AKAP6: variants seen among roughly 807,000 people sequenced by gnomAD.
AKAP6 encodes the protein A-kinase anchoring protein 6.
Under a neutral mutation model 188.5 loss-of-function variants are expected in AKAP6, and 58 were observed. The ratio of observed to expected loss-of-function variants is 0.31; its 90% CI spans 0.25 to 0.38. The LOEUF is 0.38. Ranked by LOEUF, AKAP6 falls within the 10% of genes least tolerant of loss-of-function variation. The probability of loss-of-function intolerance (pLI) is 1.00; values close to 1 mark genes in which losing one functional copy is unlikely to be tolerated. For synonymous variants in AKAP6, 989 were observed against 998.6 expected, an observed-to-expected ratio of 0.99 and a Z score of 0.18; for missense variants, 2,710 against 2,740.0, an observed-to-expected ratio of 0.99 and a Z score of 0.24.
chr14:32,648,897 A>T (rs1594811016), intron 7 of AKAP6, among the ~76,000 whole-genome samples: 1 of 152,178 alleles, frequency 6.6e-6, no homozygotes, highest in African/African-American at 2.4e-5. Context: ...TTTTACCAAA[A>T]AAAAGACATT....
At chr14:32,785,511 C>A (rs894354164) in intron 12 of AKAP6, among the ~76,000 whole-genome samples, 8 of 152,014 alleles carry the variant, frequency 5.3e-5, no homozygotes, top group African/African-American at 1.9e-4. Context: ...AGAATGAGTT[C>A]TATGTAAAAC....
chr14:32,516,584 C>T (rs765388188), intron 2 of AKAP6, among the ~76,000 whole-genome samples: 1 of 152,070 alleles, frequency 6.6e-6, no homozygotes, highest in East Asian at 1.9e-4. Context: ...CTGAAACTAT[C>T]GTATATGTAA....
intron 2 of AKAP6, among the ~76,000 whole-genome samples, chr14:32,531,026 C>T (rs1000366552): frequency 6.6e-6 from 1 of 152,142 alleles, no homozygotes; most frequent in Non-Finnish European, 1.5e-5. Flanking sequence ...TGACTGGAGA[C>T]AGCAGCTTCA....
intron 3 of AKAP6, among the ~76,000 whole-genome samples, chr14:32,545,008 T>C (rs1402498503): frequency 6.6e-6 from 1 of 152,188 alleles, no homozygotes; most frequent in East Asian, 1.9e-4. Flanking sequence ...GTTAAGGCTG[T>C]ATACTCCAGA....
intron 3 of AKAP6, among the ~76,000 whole-genome samples, chr14:32,537,135 G>A (rs1882719446): frequency 6.6e-6 from 1 of 152,126 alleles, no homozygotes; most frequent in African/African-American, 2.4e-5. Flanking sequence ...ATTTATTGTT[G>A]TTGATTTTTG....
chr14:32,345,322 A>C (rs1887033098), intron 1 of AKAP6, among the ~76,000 whole-genome samples: 1 of 152,222 alleles, frequency 6.6e-6, no homozygotes, highest in Non-Finnish European at 1.5e-5. Context: ...AAGCAGACAC[A>C]GGGGTAACTC....
intron 12 of AKAP6, among the ~76,000 whole-genome samples, chr14:32,784,540 T>G (rs1020783079): frequency 2.0e-5 from 3 of 152,184 alleles, no homozygotes; most frequent in Admixed American, 6.5e-5. Flanking sequence ...TTTGTCTAAC[T>G]TACTGTTGGA....
chr14:32,628,307 A>G (rs1171427420), intron 7 of AKAP6, among the ~76,000 whole-genome samples: 1 of 152,140 alleles, frequency 6.6e-6, no homozygotes, highest in Non-Finnish European at 1.5e-5. Flanking sequence ...AAATGATATT[A>G]ACTTCAATTC....
chr14:32,378,001 C>T (rs550790919), intron 1 of AKAP6, among the ~76,000 whole-genome samples: 3 of 152,032 alleles, frequency 2.0e-5, no homozygotes, highest in East Asian at 3.9e-4. Context: ...AAATTCTAAA[C>T]TTATTAAATT....
At chr14:32,399,161 A>T (rs1237665322) in intron 1 of AKAP6, among the ~76,000 whole-genome samples, 1 of 151,920 alleles carries the variant, frequency 6.6e-6, no homozygotes, top group Non-Finnish European at 1.5e-5. Flanking sequence ...GCCTGCCCTT[A>T]TATTTCTACA....
intron 11 of AKAP6, among the ~76,000 whole-genome samples, chr14:32,743,633 A>G (rs552656117): frequency 6.6e-6 from 1 of 152,312 alleles, no homozygotes; most frequent in Admixed American, 6.5e-5. Context: ...GCATAAACCA[A>G]CAAACAAGCA....
intron 1 of AKAP6, among the ~76,000 whole-genome samples, chr14:32,348,408 C>CTTTTTTTTTTTTTTTTTTTT (rs1235466012): frequency 1.1e-5 from 1 of 88,736 alleles, no homozygotes; most frequent in Non-Finnish European, 1.9e-5. Flanking sequence ...TCTTTCTTTT[C>CTTTTTTTTTTTTTTTTTTTT]TTTTGTTTCT....
intron 2 of AKAP6, among the ~76,000 whole-genome samples, chr14:32,519,664 C>A (rs959473540): frequency 6.6e-6 from 1 of 152,142 alleles, no homozygotes; most frequent in African/African-American, 2.4e-5. Context: ...AATATATATG[C>A]ACCCAATACA....
At chr14:32,356,561 C>A (rs1052119503) in intron 1 of AKAP6, among the ~76,000 whole-genome samples, 1 of 152,158 alleles carries the variant, frequency 6.6e-6, no homozygotes, top group Non-Finnish European at 1.5e-5. Context: ...GTTCTAAAAT[C>A]TGAGTGTATC....
chr14:32,735,251 C>A (rs1189359570), intron 10 of AKAP6, among the ~76,000 whole-genome samples: 2 of 152,130 alleles, frequency 1.3e-5, no homozygotes, highest in Non-Finnish European at 2.9e-5. Flanking sequence ...ATCTCCTGGA[C>A]ATTTTATGTG....
intron 7 of AKAP6, among the ~76,000 whole-genome samples, chr14:32,611,766 A>G (rs1594781774): frequency 6.6e-6 from 1 of 152,270 alleles, no homozygotes. Context: ...GCGAGAGTGA[A>G]CTTAGCATGT....
intron 7 of AKAP6, among the ~76,000 whole-genome samples, chr14:32,674,575 G>A (rs551860991): frequency 6.6e-6 from 1 of 152,270 alleles, no homozygotes; most frequent in South Asian, 2.1e-4. Context: ...TCTGACATGA[G>A]CAATAGACAG....
At chr14:32,687,533 C>T (rs1052210499) in intron 8 of AKAP6, among the ~76,000 whole-genome samples, 2 of 150,968 alleles carry the variant, frequency 1.3e-5, no homozygotes, top group African/African-American at 4.9e-5. Context: ...ATTTTTAGAA[C>T]ACTGCTACAT....
At chr14:32,471,019 C>A (rs1594649083) in intron 2 of AKAP6, among the ~76,000 whole-genome samples, 1 of 152,196 alleles carries the variant, frequency 6.6e-6, no homozygotes, top group Admixed American at 6.5e-5. Context: ...TAGGCCAAAT[C>A]TTTCAGTGAA....
Sources: gnomAD v4.1 joint callset for allele counts (sites outside exome capture counted in the v4.1 genomes callset) on GRCh38, gnomAD v4.1.1 for gene constraint, MANE v1.5 for transcripts, NCBI Gene and HGNC (gene_info 2026-07-23, HGNC 2026-07-21) for gene names.